Variants in SMOC2 observed in about 807,000 individuals in gnomAD.
SMOC2 encodes the protein SPARC-related modular calcium-binding protein 2.
In SMOC2, 39 loss-of-function variants were observed where a neutral mutation model predicts 61.4. The observed-to-expected ratio is 0.64, with a 90% confidence interval of 0.49 to 0.83. The LOEUF is 0.83. Among genes scored for constraint, SMOC2 ranks in the 40% least tolerant of loss-of-function variants. SMOC2 has a pLI of 0.00. For synonymous variants in SMOC2, 247 were observed against 239.9 expected (o/e 1.03, Z -0.27); for missense variants, 556 against 592.9 (o/e 0.94, Z 0.65).
At chr6:168,599,233 C>T (rs1331010189) in intron 8 of SMOC2, among the ~76,000 whole-genome samples, 1 of 142,834 alleles carries the variant, frequency 7.0e-6, no homozygotes, top group Non-Finnish European at 1.5e-5. Flanking sequence ...CCCATGGTCT[C>T]TCTCACACAC....
rs373725901 is a variant in SMOC2, at chr6:168,614,142, AGG to A, written c.907+5907_907+5908del. Among the ~76,000 whole-genome samples, 31 of 80,674 alleles carry A rather than the reference AGG, an allele frequency of 3.8e-4. 1 individual carries two copies. Among genetic ancestry groups the A allele is most frequent in the African/African-American group, 5.7e-4 (11 of 19,280 alleles). 52.9% of individuals were successfully genotyped at this position (80,674 alleles called of 152,430 possible). The stretch of plus-strand genomic sequence containing the variant: ...GCCTCTTCACACCTACAGCCAGCAC[AGG>A]GGGCCTCTTCACACCTACAGCCAGC... On this transcript the variant is annotated intron_variant, in intron 9 of 12. Coordinates refer to ENST00000356284, the MANE Select transcript of SMOC2 (RefSeq NM_001166412.2).
At chr6:168,558,217 C>A (rs1266370169) in intron 7 of SMOC2, among the ~76,000 whole-genome samples, 1 of 152,214 alleles carries the variant, frequency 6.6e-6, no homozygotes, top group African/African-American at 2.4e-5. Context: ...GCAGGCAGAG[C>A]CGCAACCTTC....
chr6:168,584,149 A>T (rs1784990936), intron 7 of SMOC2, among the ~76,000 whole-genome samples: 1 of 152,170 alleles, frequency 6.6e-6, no homozygotes, highest in South Asian at 2.1e-4. Context: ...TAAGAAGTTC[A>T]CCCAGGAAGC....
chr6:168,527,630 C>T lies in SMOC2; in HGVS notation c.366C>T (p.Val122=). 6.5e-7 allele frequency: 1 copy of T among 1,550,164 alleles called. No individual in the cohort carries two copies. Among genetic ancestry groups the T allele is most frequent in the South Asian group, 1.2e-5 (1 of 84,040 alleles). ...ACCCGTCCTGTGCTCTCTCGCAGGT[C>T]CAGTGTCACAGCTACACGGGATACT... ...ECNDDGTYSQ[V]QCHSYTGYCW... The change falls in exon 4 of 13, where the codon GTC becomes GTT. Residue 122 remains valine (V), a splice_region_variant and synonymous_variant. Coordinates refer to ENST00000356284, the MANE Select transcript of SMOC2 (RefSeq NM_001166412.2).
chr6:168,451,473 C>T (rs1199789260), intron 1 of SMOC2, among the ~76,000 whole-genome samples: 2 of 152,170 alleles, frequency 1.3e-5, no homozygotes, highest in East Asian at 3.9e-4. Context: ...CCACTTTACA[C>T]TCTGTACCCT....
At chr6:168,580,971 G>A (rs1267959274) in intron 7 of SMOC2, among the ~76,000 whole-genome samples, 1 of 152,210 alleles carries the variant, frequency 6.6e-6, no homozygotes, top group Non-Finnish European at 1.5e-5. Context: ...TTAAAAGTGA[G>A]TTTGCAAGTA....
At chr6:168,597,470 C>T (rs1785362256) in intron 7 of SMOC2, among the ~76,000 whole-genome samples, 1 of 152,190 alleles carries the variant, frequency 6.6e-6, no homozygotes, top group Non-Finnish European at 1.5e-5. Context: ...TGCCACACTG[C>T]ACCTATAATC....
intron 4 of SMOC2, among the ~76,000 whole-genome samples, chr6:168,537,350 G>A (rs1362172527): frequency 6.6e-6 from 1 of 152,100 alleles, no homozygotes; most frequent in Non-Finnish European, 1.5e-5. Context: ...CAGGCTGTGA[G>A]AAGACTTGCT....
At chr6:168,548,077 A>G (rs1784047836) in intron 6 of SMOC2, among the ~76,000 whole-genome samples, 1 of 152,226 alleles carries the variant, frequency 6.6e-6, no homozygotes, top group African/African-American at 2.4e-5. Context: ...AAGTGTAAGG[A>G]GTACACAGTA....
intron 1 of SMOC2, among the ~76,000 whole-genome samples, chr6:168,461,265 G>A (rs1583032853): frequency 1.3e-5 from 2 of 152,226 alleles, no homozygotes; most frequent in South Asian, 2.1e-4. Context: ...CTGCCTCCAT[G>A]ATTCAATCAT....
intron 1 of SMOC2, among the ~76,000 whole-genome samples, chr6:168,455,460 C>T (rs1029159967): frequency 3.9e-5 from 6 of 152,064 alleles, no homozygotes; most frequent in South Asian, 2.1e-4. Context: ...CTGTGGTGGG[C>T]GGCCCTCAAG....
rs952920847 is a variant in SMOC2, at chr6:168,607,349, C to T, written c.825-808C>T. On this transcript the variant is annotated intron_variant, in intron 8 of 12. Coordinates refer to ENST00000356284, the MANE Select transcript of SMOC2 (RefSeq NM_001166412.2). Reference sequence around the variant, plus strand: ...AGGCAAAGCAGGCCTTGGTCAAGGGCTGCTGAATGGCATGCATATGGCAGT... The same window carrying T: ...AGGCAAAGCAGGCCTTGGTCAAGGGTTGCTGAATGGCATGCATATGGCAGT... Among the ~76,000 whole-genome samples the T allele has an allele frequency of 2.0e-5, 3 of 152,180 alleles. No individual in the cohort carries two copies. The South Asian group carries it at 6.2e-4, about 31-fold the overall frequency.
At chr6:168,482,520 T>C (rs1416324736) in intron 1 of SMOC2, among the ~76,000 whole-genome samples, 1 of 152,060 alleles carries the variant, frequency 6.6e-6, no homozygotes, top group Non-Finnish European at 1.5e-5. Context: ...TCTTGAATGA[T>C]TTAAGAAGAG....
At chr6:168,641,303 C>T (rs1258949923) in intron 9 of SMOC2, among the ~76,000 whole-genome samples, 16 of 152,058 alleles carry the variant, frequency 1.1e-4, no homozygotes, top group Admixed American at 9.8e-4. Context: ...CTCAAGCCTG[C>T]GAAACCTGAA....
At chr6:168,559,879 T>G (rs1784356574) in intron 7 of SMOC2, among the ~76,000 whole-genome samples, 1 of 152,218 alleles carries the variant, frequency 6.6e-6, no homozygotes. Context: ...GTAGTCACCC[T>G]TATCAAGTGC....
intron 10 of SMOC2, among the ~76,000 whole-genome samples, chr6:168,651,498 C>G (rs1001493883): frequency 2.0e-5 from 3 of 152,098 alleles, no homozygotes; most frequent in Non-Finnish European, 4.4e-5. Flanking sequence ...CCTGATCTAG[C>G]CATAGTTTAT....
intron 4 of SMOC2, among the ~76,000 whole-genome samples, chr6:168,541,560 T>C (rs531085342): frequency 6.6e-6 from 1 of 152,252 alleles, no homozygotes; most frequent in East Asian, 1.9e-4. Context: ...GGAGCTATTT[T>C]CCCATCCTGG....
At chr6:168,505,613 C>T (rs974276432) in intron 1 of SMOC2, among the ~76,000 whole-genome samples, 24 of 152,324 alleles carry the variant, frequency 1.6e-4, no homozygotes, top group South Asian at 4.1e-4. Context: ...ATGAAATGTC[C>T]GTCTCTGGGA....
chr6:168,499,281 G>A (rs148007912), intron 1 of SMOC2, among the ~76,000 whole-genome samples: 124 of 152,356 alleles, frequency 8.1e-4, no homozygotes, highest in African/African-American at 2.7e-3. Flanking sequence ...TCCAGGTGCC[G>A]TTGGGCATGT....
Sources: allele counts gnomAD v4.1 joint callset (sites outside exome capture counted in the v4.1 genomes callset), GRCh38; gene constraint gnomAD v4.1.1; transcripts MANE v1.5; gene names NCBI Gene and HGNC (gene_info 2026-07-23, HGNC 2026-07-21).